The following SNTG1 variants were observed in gnomAD, a reference collection of about 807,000 sequenced individuals.
The protein encoded by SNTG1 is gamma-1-syntrophin.
Under a neutral mutation model 74.7 loss-of-function variants are expected in SNTG1, and 39 were observed. That is an observed-to-expected ratio of 0.52 (90% CI 0.40 to 0.68). SNTG1 has a LOEUF of 0.68. Among genes scored for constraint, SNTG1 ranks in the 30% least tolerant of loss-of-function variants. The probability of loss-of-function intolerance (pLI) is 0.00; values close to 1 mark genes in which losing one functional copy is unlikely to be tolerated. For missense variants in SNTG1, 685 were observed against 609.5 expected, an observed-to-expected ratio of 1.12 and a Z score of -1.30; for synonymous variants, 254 against 217.1, an observed-to-expected ratio of 1.17 and a Z score of -1.49.
At chr8:50,780,757 G>A (rs1202989780) in intron 18 of SNTG1, among the ~76,000 whole-genome samples, 2 of 152,074 alleles carry the variant, frequency 1.3e-5, no homozygotes, top group Admixed American at 1.3e-4. Context: ...TTTTGAATGT[G>A]TTTGCTCTTG....
At chr8:50,141,497 G>A (rs1379765305) in intron 1 of SNTG1, among the ~76,000 whole-genome samples, 1 of 152,220 alleles carries the variant, frequency 6.6e-6, no homozygotes, top group Admixed American at 6.6e-5. Context: ...CTAAACGCTT[G>A]CAATGAGAGA....
intron 1 of SNTG1, among the ~76,000 whole-genome samples, chr8:50,072,742 G>C (rs976997184): frequency 2.0e-5 from 3 of 152,102 alleles, no homozygotes; most frequent in East Asian, 1.9e-4. Context: ...GCATACCTCA[G>C]GGATATCATG....
At chr8:50,273,698 G>T (rs1035125222) in intron 2 of SNTG1, among the ~76,000 whole-genome samples, 5 of 152,186 alleles carry the variant, frequency 3.3e-5, no homozygotes, top group Non-Finnish European at 7.3e-5. Flanking sequence ...AAAGAGATAA[G>T]AGGGTTAACA....
chr8:50,105,360 A>C (rs921733555), intron 1 of SNTG1, among the ~76,000 whole-genome samples: 1 of 151,462 alleles, frequency 6.6e-6, no homozygotes, highest in Non-Finnish European at 1.5e-5. Flanking sequence ...TTATTTCTGC[A>C]CTCTCCATTC....
chr8:50,562,118 T>C (rs1337735485), intron 12 of SNTG1, among the ~76,000 whole-genome samples: 1 of 152,248 alleles, frequency 6.6e-6, no homozygotes, highest in African/African-American at 2.4e-5. Context: ...TGTCAATAAT[T>C]CAAAACTGAC....
At chr8:50,595,169 A>T (rs1180898888) in intron 13 of SNTG1, among the ~76,000 whole-genome samples, 2 of 152,000 alleles carry the variant, frequency 1.3e-5, no homozygotes, top group Non-Finnish European at 2.9e-5. Flanking sequence ...TTCTTTATAC[A>T]TTCAATTTAT....
intron 2 of SNTG1, among the ~76,000 whole-genome samples, chr8:50,389,632 A>C (rs1034190362): frequency 6.6e-6 from 1 of 152,154 alleles, no homozygotes; most frequent in African/African-American, 2.4e-5. Context: ...TGGTATTTCT[A>C]GTTCTAGATC....
At chr8:50,411,596 C>G (rs191591275) in intron 4 of SNTG1, among the ~76,000 whole-genome samples, 2 of 151,928 alleles carry the variant, frequency 1.3e-5, no homozygotes, top group East Asian at 3.9e-4. Context: ...AAAGATAATA[C>G]AAAGGCCTAC....
chr8:50,594,307 A>AT (rs1349567620), intron 13 of SNTG1, among the ~76,000 whole-genome samples: 2 of 152,150 alleles, frequency 1.3e-5, no homozygotes, highest in Non-Finnish European at 1.5e-5. Flanking sequence ...TCATCCTGAA[A>AT]TATATCTCAT....
intron 13 of SNTG1, among the ~76,000 whole-genome samples, chr8:50,592,807 A>G (rs902638926): frequency 3.4e-4 from 52 of 152,188 alleles, no homozygotes; most frequent in African/African-American, 1.2e-3. Context: ...ATTGTAACAA[A>G]TTCATCCTGA....
intron 2 of SNTG1, among the ~76,000 whole-genome samples, chr8:50,205,019 G>A (rs945689910): frequency 1.8e-4 from 27 of 152,064 alleles, no homozygotes; most frequent in Admixed American, 7.9e-4. Context: ...GAATAGTGCC[G>A]CAATAAACAT....
At chr8:50,200,973 T>C (rs2083964432) in intron 2 of SNTG1, among the ~76,000 whole-genome samples, 1 of 152,206 alleles carries the variant, frequency 6.6e-6, no homozygotes, top group African/African-American at 2.4e-5. Flanking sequence ...AGAAGGGGCT[T>C]ATGTTATAAA....
intron 1 of SNTG1, among the ~76,000 whole-genome samples, chr8:49,921,260 G>A (rs964690065): frequency 6.6e-6 from 1 of 152,054 alleles, no homozygotes; most frequent in Non-Finnish European, 1.5e-5. Context: ...AAGTGTAGGG[G>A]AAAGGTATAA....
At chr8:50,428,545 C>T (rs2093193132) in intron 4 of SNTG1, among the ~76,000 whole-genome samples, 1 of 152,146 alleles carries the variant, frequency 6.6e-6, no homozygotes. Context: ...TTTAAATAGT[C>T]TGCATTATCT....
At chr8:50,513,616 C>T (rs908150960) in intron 9 of SNTG1, among the ~76,000 whole-genome samples, 12 of 152,232 alleles carry the variant, frequency 7.9e-5, no homozygotes, top group East Asian at 1.9e-4. Flanking sequence ...TTGGCAATGG[C>T]GGATGCCCCT....
chr8:50,214,468 A>G (rs987197293), intron 2 of SNTG1, among the ~76,000 whole-genome samples: 2 of 152,138 alleles, frequency 1.3e-5, no homozygotes, highest in Non-Finnish European at 2.9e-5. Flanking sequence ...TATTCTCTTT[A>G]TGTTTATGTG....
At chr8:50,688,159 C>T (rs1486208278) in intron 15 of SNTG1, among the ~76,000 whole-genome samples, 3 of 152,010 alleles carry the variant, frequency 2.0e-5, no homozygotes, top group African/African-American at 7.3e-5. Context: ...TATATTAGCC[C>T]TTTGTCAGAT....
At chr8:50,714,861 C>A (rs184078056) in intron 17 of SNTG1, among the ~76,000 whole-genome samples, 1 of 151,996 alleles carries the variant, frequency 6.6e-6, no homozygotes, top group Non-Finnish European at 1.5e-5. Context: ...GGGGGCAATA[C>A]TTAATGGGTG....
chr8:50,792,542 T>G, intron 18 of SNTG1, 129 bp from the exon 19 acceptor site: 2 of 964,772 alleles, frequency 2.1e-6, no homozygotes, highest in Middle Eastern at 6.9e-4. Context: ...ACATTTGAAA[T>G]TAGTTTCCAC....
Sources: allele counts gnomAD v4.1 joint callset (sites outside exome capture counted in the v4.1 genomes callset), GRCh38; gene constraint gnomAD v4.1.1; transcripts MANE v1.5; gene names NCBI Gene and HGNC (gene_info 2026-07-23, HGNC 2026-07-21).